The following KIAA1217 variants were observed in gnomAD, a reference collection of about 807,000 sequenced individuals.
The protein encoded by KIAA1217 is sickle tail protein homolog.
In KIAA1217, 88 loss-of-function variants were observed where a neutral mutation model predicts 163.9. The observed-to-expected ratio is 0.54, with a 90% CI of 0.45 to 0.64. The LOEUF (loss-of-function observed/expected upper bound fraction) is 0.64. Ranked by LOEUF, KIAA1217 falls within the 30% of genes least tolerant of loss-of-function variation. KIAA1217 has a pLI of 0.00. For missense variants in KIAA1217, 2,372 were observed against 2,475.0 expected, an observed-to-expected ratio of 0.96 and a Z score of 0.88; for synonymous variants, 903 against 923.1, an observed-to-expected ratio of 0.98 and a Z score of 0.39.
chr10:23,917,173 T>C (rs557659817), intron 1 of KIAA1217, among the ~76,000 whole-genome samples: 3 of 152,272 alleles, frequency 2.0e-5, no homozygotes, highest in East Asian at 3.9e-4. Flanking sequence ...GTGGCTATCA[T>C]GACCAAATTA....
intron 15 of KIAA1217, 40 bp from the exon 16 acceptor site, chr10:24,533,030 G>A (rs546875197): frequency 2.6e-5 from 41 of 1,566,732 alleles, no homozygotes; most frequent in South Asian, 8.3e-5. Flanking sequence ...TAGCACCTAG[G>A]AGATGTTAAA....
intron 2 of KIAA1217, among the ~76,000 whole-genome samples, chr10:24,329,368 G>A (rs2045368098): frequency 6.6e-6 from 1 of 151,178 alleles, no homozygotes; most frequent in Non-Finnish European, 1.5e-5. Context: ...GCTGCTCAGT[G>A]GAAAATAAGA....
chr10:23,773,373 G>T (rs1834877717), intron 1 of KIAA1217, among the ~76,000 whole-genome samples: 1 of 151,672 alleles, frequency 6.6e-6, no homozygotes, highest in African/African-American at 2.4e-5. Context: ...TAGCCTTGTA[G>T]TATAGTTTGA....
At chr10:24,282,663 G>T (rs2078078828) in intron 2 of KIAA1217, among the ~76,000 whole-genome samples, 1 of 152,046 alleles carries the variant, frequency 6.6e-6, no homozygotes, top group Admixed American at 6.6e-5. Flanking sequence ...TTTGTGGTTT[G>T]TGGGTTCTTT....
chr10:24,163,627 T>A (rs1252539596), intron 2 of KIAA1217, among the ~76,000 whole-genome samples: 3 of 152,236 alleles, frequency 2.0e-5, no homozygotes, highest in African/African-American at 7.2e-5. Context: ...ATACTGTTAT[T>A]TGCATGATGC....
intron 2 of KIAA1217, among the ~76,000 whole-genome samples, chr10:24,240,269 G>T (rs1455920996): frequency 2.0e-5 from 3 of 152,174 alleles, no homozygotes; most frequent in African/African-American, 7.2e-5. Context: ...AAAGCCTATT[G>T]TTTCTTCCAC....
chr10:24,022,274 C>T (rs893484752), intron 2 of KIAA1217, among the ~76,000 whole-genome samples: 3 of 151,520 alleles, frequency 2.0e-5, no homozygotes, highest in African/African-American at 4.8e-5. Flanking sequence ...AACCACACAA[C>T]TCAATTTAAA....
intron 2 of KIAA1217, among the ~76,000 whole-genome samples, chr10:24,371,791 T>C (rs147409727): frequency 0.013 from 1,911 of 152,342 alleles, 51 homozygotes; most frequent in African/African-American, 0.044. Context: ...GGAATCCTTC[T>C]GGATTCTAAA....
chr10:23,951,480 G>T (rs144366990), intron 1 of KIAA1217, among the ~76,000 whole-genome samples: 1 of 151,970 alleles, frequency 6.6e-6, no homozygotes, highest in Non-Finnish European at 1.5e-5. Context: ...ATGGCAAAAC[G>T]CTTTCTCTAT....
intron 12 of KIAA1217, 100 bp from the exon 13 acceptor site, chr10:24,524,223 T>C: frequency 1.6e-6 from 2 of 1,242,954 alleles, no homozygotes; most frequent in Non-Finnish European, 2.3e-6. Context: ...AGCTTTGGGA[T>C]GTGTGACTCT....
At chr10:24,287,536 AT>A (rs1428674153) in intron 2 of KIAA1217, among the ~76,000 whole-genome samples, 1 of 152,068 alleles carries the variant, frequency 6.6e-6, no homozygotes, top group Non-Finnish European at 1.5e-5. Context: ...TGTCTTTTAT[AT>A]TTTTCCCCAA....
intron 2 of KIAA1217, among the ~76,000 whole-genome samples, chr10:24,303,478 C>A (rs1276465841): frequency 1.3e-5 from 2 of 152,168 alleles, no homozygotes; most frequent in Admixed American, 6.5e-5. Flanking sequence ...TTAATCAGAT[C>A]CCAGTTCACA....
At chr10:24,061,662 CT>C (rs1000218203) in intron 2 of KIAA1217, among the ~76,000 whole-genome samples, 9 of 152,234 alleles carry the variant, frequency 5.9e-5, no homozygotes, top group Admixed American at 3.3e-4. Context: ...GCATAATCTT[CT>C]TAGTTGGCAG....
At chr10:23,943,434 C>G (rs1340819848) in intron 1 of KIAA1217, among the ~76,000 whole-genome samples, 1 of 152,100 alleles carries the variant, frequency 6.6e-6, no homozygotes, top group Admixed American at 6.6e-5. Flanking sequence ...TACATGTACA[C>G]TGAAAACTAT....
chr10:24,304,033 A>C (rs966373305), intron 2 of KIAA1217, among the ~76,000 whole-genome samples: 2 of 152,106 alleles, frequency 1.3e-5, no homozygotes, highest in African/African-American at 4.8e-5. Flanking sequence ...AATATAAGTA[A>C]ATTAGCATAA....
At chr10:23,921,907 G>A (rs993008840) in intron 1 of KIAA1217, among the ~76,000 whole-genome samples, 4 of 152,078 alleles carry the variant, frequency 2.6e-5, no homozygotes, top group African/African-American at 9.7e-5. Context: ...AAGACCCTTG[G>A]AATCCTAGTA....
chr10:23,727,605 AT>A (rs1163317607), intron 1 of KIAA1217, among the ~76,000 whole-genome samples: 9 of 152,232 alleles, frequency 5.9e-5, no homozygotes, highest in African/African-American at 9.6e-5. Flanking sequence ...ACATAGTTAT[AT>A]TTTTTTCATT....
chr10:24,324,091 A>AC (rs2044547853), intron 2 of KIAA1217, among the ~76,000 whole-genome samples: 5 of 150,760 alleles, frequency 3.3e-5, no homozygotes, highest in Non-Finnish European at 2.9e-5. Flanking sequence ...GTATAGCGAG[A>AC]CCTCATCTCT....
intron 2 of KIAA1217, among the ~76,000 whole-genome samples, chr10:24,171,557 C>A (rs1409148781): frequency 2.0e-5 from 3 of 152,156 alleles, no homozygotes; most frequent in Non-Finnish European, 2.9e-5. Context: ...GTAATCCCAG[C>A]ACTTTGGGAG....
Sources: gnomAD v4.1 joint callset for allele counts (sites outside exome capture counted in the v4.1 genomes callset) on GRCh38, gnomAD v4.1.1 for gene constraint, MANE v1.5 for transcripts, NCBI Gene and HGNC (gene_info 2026-07-23, HGNC 2026-07-21) for gene names.